CFAP47: variants seen among roughly 807,000 people sequenced by gnomAD.
CFAP47 encodes the protein cilia- and flagella-associated protein 47.
CFAP47 carries 29 observed loss-of-function variants against 148.1 expected under a neutral mutation model. The observed-to-expected ratio is 0.20, with a 90% CI of 0.15 to 0.27. CFAP47 has a LOEUF of 0.27. Ranked by LOEUF, CFAP47 falls within the 10% of genes least tolerant of loss-of-function variation. The pLI, the probability that CFAP47 is intolerant of heterozygous loss-of-function variation, is 1.00. For synonymous variants in CFAP47, 664 were observed against 577.3 expected (o/e 1.15, Z -2.15); for missense variants, 1,872 against 1,697.5 (o/e 1.10, Z -1.81).
At chrX:36,149,011 A>G in intron 36 of CFAP47, 97 bp from the exon 37 acceptor site, 1 of 259,101 alleles carries the variant, frequency 3.9e-6, no homozygotes, top group Non-Finnish European at 6.8e-6. Flanking sequence ...ATTTATGACT[A>G]AAATCTATTG....
intron 26 of CFAP47, among the ~76,000 whole-genome samples, chrX:36,059,803 G>A (rs187050625): frequency 2.7e-5 from 3 of 111,761 alleles, no homozygotes; most frequent in East Asian, 2.8e-4. Context: ...TTTATCCCCC[G>A]TATTGGAGAT....
At chrX:35,953,383 C>A (rs1032358831) in intron 6 of CFAP47, among the ~76,000 whole-genome samples, 2 of 111,840 alleles carry the variant, frequency 1.8e-5, no homozygotes, top group African/African-American at 6.5e-5. Flanking sequence ...GGCACGAACT[C>A]ATTTTTCTCA....
chrX:36,023,788 A>G (rs1937186576), intron 22 of CFAP47, among the ~76,000 whole-genome samples: 1 of 111,580 alleles, frequency 9.0e-6, no homozygotes, highest in African/African-American at 3.3e-5. Flanking sequence ...ATGTTTCCTT[A>G]AGGCACAAGG....
rs751086691 is a variant in CFAP47, at chrX:36,138,221, T to C, written c.5419-127T>C. 45 of 752,422 alleles carry C rather than the reference T, an allele frequency of 6.0e-5. 1 individual carries two copies. The highest frequency in any genetic ancestry group is 7.5e-5 in the Non-Finnish European group (42 of 557,603). The allele number at this position is 752,422 out of a possible 1,213,427, so 62.0% of individuals were successfully genotyped here. A position where few individuals can be genotyped will look rare whatever the true frequency, so the allele number is the denominator to read the frequency against. On this transcript the variant is annotated intron_variant, in intron 34 of 63. Transcript: ENST00000378653. ...TACCTTTTTGTTTATTCTTGCATTTTGATTGCAATAATTTATTACTGACAA... is the reference window on the plus strand; with the variant it reads ...TACCTTTTTGTTTATTCTTGCATTTCGATTGCAATAATTTATTACTGACAA...
chrX:35,975,128 A>C lies in CFAP47; in HGVS notation c.2255-19A>C, dbSNP rs1936548994. Reference sequence around the variant, plus strand: ...TTGCCATCTTTAAACTTAACAAAATACTTTTCATTTTTTTTCAGGGCCTTC... The same window carrying C: ...TTGCCATCTTTAAACTTAACAAAATCCTTTTCATTTTTTTTCAGGGCCTTC... On this transcript the variant is annotated intron_variant, in intron 13 of 63. Coordinates refer to ENST00000378653, the MANE Select transcript of CFAP47 (RefSeq NM_001304548.2). The C allele has an allele frequency of 9.9e-7, 1 of 1,013,597 alleles. No individual in the cohort carries two copies. 83.5% of individuals were successfully genotyped at this position (1,013,597 alleles called of 1,213,427 possible).
intron 45 of CFAP47, among the ~76,000 whole-genome samples, chrX:36,210,504 T>G (rs1206217531): frequency 8.9e-6 from 1 of 112,528 alleles, no homozygotes; most frequent in Non-Finnish European, 1.9e-5. Context: ...GTATACCTTA[T>G]TTGTATAAAT....
chrX:36,217,106 T>G (rs1265152756), intron 45 of CFAP47, among the ~76,000 whole-genome samples: 1 of 112,163 alleles, frequency 8.9e-6, no homozygotes. Flanking sequence ...GCTTGGAGGT[T>G]AGAAGAAAGA....
chrX:36,323,175 T>G (rs1202504490), intron 57 of CFAP47, among the ~76,000 whole-genome samples: 1 of 111,422 alleles, frequency 9.0e-6, no homozygotes, highest in African/African-American at 3.2e-5. Context: ...AAGTATTTTG[T>G]AAAAACAAGA....
intron 18 of CFAP47, among the ~76,000 whole-genome samples, chrX:35,993,571 A>T (rs1225960933): frequency 8.9e-6 from 1 of 112,056 alleles, no homozygotes; most frequent in Non-Finnish European, 1.9e-5. Context: ...GTTTTTGGAG[A>T]TTTAAAAAAG....
chrX:36,208,133 T>C (rs1555989000), intron 45 of CFAP47, among the ~76,000 whole-genome samples: 2 of 111,578 alleles, frequency 1.8e-5, no homozygotes, highest in Non-Finnish European at 3.8e-5. Context: ...GAAGAGCATA[T>C]TGTAGGAGCA....
At chrX:35,955,902 A>C in intron 7 of CFAP47, 59 bp from the exon 8 acceptor site, 2 of 1,183,604 alleles carry the variant, frequency 1.7e-6, no homozygotes, top group Non-Finnish European at 2.3e-6. Context: ...AGACTAAGCA[A>C]ATATATTCTG....
intron 39 of CFAP47, among the ~76,000 whole-genome samples, chrX:36,169,198 T>C (rs1167917301): frequency 9.0e-6 from 1 of 111,487 alleles, no homozygotes; most frequent in Non-Finnish European, 1.9e-5. Flanking sequence ...ACTTACAAGA[T>C]TGTCTATATC....
chrX:36,206,161 AAAT>A (rs1185482558), intron 45 of CFAP47, among the ~76,000 whole-genome samples: 5 of 111,747 alleles, frequency 4.5e-5, no homozygotes, highest in African/African-American at 1.3e-4. Context: ...GTAAAAATAA[AAAT>A]AACCTGAGCC....
chrX:36,236,632 T>C (rs1555994718), intron 47 of CFAP47, 54 bp from the exon 48 acceptor site: 1 of 488,209 alleles, frequency 2.0e-6, no homozygotes, highest in African/African-American at 2.4e-5. Context: ...GCAGAGGTTG[T>C]TTAACATTTA....
At chrX:36,338,448 T>A (rs1431875640) in intron 57 of CFAP47, among the ~76,000 whole-genome samples, 5 of 111,609 alleles carry the variant, frequency 4.5e-5, no homozygotes, top group Non-Finnish European at 9.4e-5. Context: ...TTTAATTAAC[T>A]AATAACCTAA....
chrX:36,157,095 C>A (rs1177621381), intron 37 of CFAP47, among the ~76,000 whole-genome samples: 2 of 110,818 alleles, frequency 1.8e-5, no homozygotes, highest in Non-Finnish European at 3.8e-5. Flanking sequence ...CCCTTCTTCA[C>A]CTGTTCCACC....
At chrX:36,222,036 C>T (rs1161046775) in intron 45 of CFAP47, among the ~76,000 whole-genome samples, 2 of 111,790 alleles carry the variant, frequency 1.8e-5, no homozygotes, top group Non-Finnish European at 3.8e-5. Context: ...CATTTACATA[C>T]TACAGCACTC....
In CFAP47 at chrX:36,299,048, G is replaced by A. The variant is rs782282739; in HGVS notation, c.7758G>A (p.Thr2586=). ...DRGLHLEVQL[T]SAALNGDNEI... ...GTCTTCACTTAGAGGTGCAGTTAAC[G>A]AGTGCTGCCCTTAATGGGGATAATG... The change falls in exon 52 of 64, where the codon ACG becomes ACA. Residue 2586 remains threonine (T), a synonymous_variant. Coordinates refer to ENST00000378653, the MANE Select transcript of CFAP47 (RefSeq NM_001304548.2). The A allele has an allele frequency of 1.2e-5, 14 of 1,145,062 alleles. No individual in the cohort carries two copies. The South Asian group carries it at 1.4e-4, about 11-fold the overall frequency. 94.4% of individuals were successfully genotyped at this position (1,145,062 alleles called of 1,213,427 possible).
intron 57 of CFAP47, among the ~76,000 whole-genome samples, chrX:36,328,735 G>A (rs1299098408): frequency 9.4e-6 from 1 of 106,016 alleles, no homozygotes; most frequent in South Asian, 4.3e-4. Context: ...GCGTGAACCC[G>A]GGAAGCGGAG....
Sources: gnomAD v4.1 joint callset for allele counts (sites outside exome capture counted in the v4.1 genomes callset) on GRCh38, gnomAD v4.1.1 for gene constraint, MANE v1.5 for transcripts, NCBI Gene and HGNC (gene_info 2026-07-23, HGNC 2026-07-21) for gene names.